FAM120B: variants seen among roughly 807,000 people sequenced by gnomAD.
The protein encoded by FAM120B is family with sequence similarity 120 member B.
A neutral mutation model predicts 96.3 loss-of-function variants in FAM120B; 83 were observed. The observed-to-expected ratio is 0.86, with a 90% CI of 0.72 to 1.03. The LOEUF (loss-of-function observed/expected upper bound fraction) is 1.03, where lower values mean the gene tolerates loss of function less well. Ranked by LOEUF, FAM120B falls within the 50% of genes least tolerant of loss-of-function variation. The pLI is 0.00. For missense variants in FAM120B, 1,027 were observed against 1,121.2 expected (o/e 0.92, Z 1.20); for synonymous variants, 407 against 402.7 (o/e 1.01, Z -0.13).
At chr6:170,364,098 C>T (rs1788630761) in intron 6 of FAM120B, among the ~76,000 whole-genome samples, 1 of 152,160 alleles carries the variant, frequency 6.6e-6, no homozygotes, top group Admixed American at 6.5e-5. Context: ...GTGATTTGTG[C>T]TGCATTTCCC....
Position 170,404,502 on chromosome 6 carries a change from TGAGA to T in FAM120B, c.2693-43_2693-40del, listed in dbSNP as rs749632252. 4 of 1,539,024 alleles carry T rather than the reference TGAGA, an allele frequency of 2.6e-6. No individual in the cohort carries two copies. The South Asian group carries it at 4.5e-5, about 17-fold the overall frequency. On this transcript the variant is annotated intron_variant, in intron 9 of 10. Transcript: ENST00000476287. ...ATGTGCAGCATTCTTGTTTGTGTAT[TGAGA>T]GAGATTTAATTCTTACTTTGGTTTT... is the stretch of plus-strand genomic sequence containing the variant.
upstream of FAM120B, among the ~76,000 whole-genome samples, chr6:170,291,472 G>C (rs919104883): frequency 6.6e-6 from 1 of 152,130 alleles, no homozygotes; most frequent in African/African-American, 2.4e-5. Context: ...CCGAGCTCTT[G>C]GCGGGGCCGC....
At chr6:170,393,253 C>A (rs1463479409) in intron 8 of FAM120B, among the ~76,000 whole-genome samples, 1 of 151,860 alleles carries the variant, frequency 6.6e-6, no homozygotes, top group East Asian at 1.9e-4. Flanking sequence ...GGCTGAGAGA[C>A]CTGCAGATGC....
Position 170,406,847 on chromosome 6 carries a change from A to G in FAM120B, c.*2096A>G, listed in dbSNP as rs146550325. Reference sequence around the variant, plus strand: ...GTCTGTGAAAATTGTTTTCTCCTTCATAATACCTAAATTCTAGTTTGTCAG... The same window carrying G: ...GTCTGTGAAAATTGTTTTCTCCTTCGTAATACCTAAATTCTAGTTTGTCAG... On this transcript the variant is annotated 3_prime_UTR_variant, in exon 11 of 11. Transcript: ENST00000476287. 1 of 152,174 alleles carries G rather than the reference A, an allele frequency of 6.6e-6. No homozygotes were observed. Among genetic ancestry groups the G allele is most frequent in the African/African-American group, 2.4e-5 (1 of 41,446 alleles). The allele number at this position is 152,174 out of a possible 1,614,324, so 9.4% of individuals were successfully genotyped here.
At chr6:170,389,032 G>T (rs1166607419) in intron 7 of FAM120B, among the ~76,000 whole-genome samples, 1 of 152,166 alleles carries the variant, frequency 6.6e-6, no homozygotes, top group Non-Finnish European at 1.5e-5. Context: ...TTAAATGGAG[G>T]TGATCATCCT....
At chr6:170,352,421 C>A (rs1224530554) in intron 5 of FAM120B, among the ~76,000 whole-genome samples, 1 of 152,166 alleles carries the variant, frequency 6.6e-6, no homozygotes, top group Non-Finnish European at 1.5e-5. Context: ...CTCTGGATCA[C>A]TTGGACCTGA....
chr6:170,392,572 C>G (rs917528938), intron 8 of FAM120B, among the ~76,000 whole-genome samples: 1 of 152,150 alleles, frequency 6.6e-6, no homozygotes, highest in African/African-American at 2.4e-5. Flanking sequence ...TTTAATTATT[C>G]TTTCATGCCC....
chr6:170,371,257 T>C (rs1479722119), intron 6 of FAM120B, among the ~76,000 whole-genome samples: 3 of 152,164 alleles, frequency 2.0e-5, no homozygotes, highest in East Asian at 1.9e-4. Flanking sequence ...TTGTGGCCTT[T>C]CGTGTCTGGC....
intron 1 of FAM120B, among the ~76,000 whole-genome samples, chr6:170,296,327 G>A (rs1209726516): frequency 1.3e-5 from 2 of 152,164 alleles, no homozygotes; most frequent in Non-Finnish European, 2.9e-5. Flanking sequence ...CGCACCTGAG[G>A]GCTTCCTGGA....
At chr6:170,354,938 A>G (rs1299878691) in intron 5 of FAM120B, among the ~76,000 whole-genome samples, 1 of 152,124 alleles carries the variant, frequency 6.6e-6, no homozygotes, top group Non-Finnish European at 1.5e-5. Flanking sequence ...CAAAAAAACA[A>G]AAAGGACATA....
chr6:170,382,984 A>G (rs2115293899), intron 6 of FAM120B, among the ~76,000 whole-genome samples: 1 of 152,316 alleles, frequency 6.6e-6, no homozygotes, highest in Middle Eastern at 3.4e-3. Context: ...GAACCCAGAC[A>G]TAGACCCACA....
intron 9 of FAM120B, among the ~76,000 whole-genome samples, chr6:170,398,574 G>T (rs13192189): frequency 9.6e-6 from 1 of 103,718 alleles, no homozygotes; most frequent in Admixed American, 9.3e-5. Context: ...TATGTCATAA[G>T]CCTTAGGAGT....
At chr6:170,351,110 C>CTGAA (rs1787544963) in intron 5 of FAM120B, among the ~76,000 whole-genome samples, 1 of 152,162 alleles carries the variant, frequency 6.6e-6, no homozygotes, top group East Asian at 1.9e-4. Flanking sequence ...CTTGATGGAG[C>CTGAA]TGAAAAACAC....
intron 2 of FAM120B, among the ~76,000 whole-genome samples, chr6:170,320,962 G>A (rs1454355850): frequency 6.6e-6 from 1 of 152,214 alleles, no homozygotes; most frequent in Non-Finnish European, 1.5e-5. Flanking sequence ...GTAATTAGGA[G>A]GTCCTGATGG....
intron 6 of FAM120B, among the ~76,000 whole-genome samples, chr6:170,388,024 T>G (rs907464870): frequency 2.4e-4 from 37 of 152,126 alleles, no homozygotes; most frequent in African/African-American, 7.0e-4. Context: ...AGTAAGTGTC[T>G]GAGGTTTGAA....
At chr6:170,364,909 A>G (rs188020290) in intron 6 of FAM120B, among the ~76,000 whole-genome samples, 46 of 152,358 alleles carry the variant, frequency 3.0e-4, no homozygotes, top group African/African-American at 1.1e-3. Context: ...TGGTGAAGCT[A>G]AAAGCCCTTT....
At chr6:170,298,394 C>T (rs1371356905) in intron 1 of FAM120B, 4 of 152,198 alleles carry the variant, frequency 2.6e-5, no homozygotes, top group Admixed American at 2.0e-4. Flanking sequence ...TCCTTGCTTT[C>T]AACAGTTTCC....
chr6:170,324,639 A>G (rs1583201307), intron 3 of FAM120B, among the ~76,000 whole-genome samples: 3 of 152,334 alleles, frequency 2.0e-5, no homozygotes, highest in African/African-American at 7.2e-5. Flanking sequence ...ATACTTTGTT[A>G]ATGTAATATA....
Position 170,385,273 on chromosome 6 carries a change from T to C in FAM120B, c.2284-3014T>C, listed in dbSNP as rs532434938. ...ACCACAGTGGGCATTATAAAATATT[T>C]TGAATGACAGTGAAAATATTGTCCA... On this transcript the variant is annotated intron_variant, in intron 6 of 10. Transcript: ENST00000476287. Among the ~76,000 whole-genome samples, 8 of 152,324 alleles carry C rather than the reference T, an allele frequency of 5.3e-5. No individual in the cohort carries two copies. The South Asian group carries it at 1.5e-3, about 28-fold the overall frequency.
Sources: allele counts gnomAD v4.1 joint callset (sites outside exome capture counted in the v4.1 genomes callset), GRCh38; gene constraint gnomAD v4.1.1; transcripts MANE v1.5; gene names NCBI Gene and HGNC (gene_info 2026-07-23, HGNC 2026-07-21).